PRTG: variants seen among roughly 807,000 people sequenced by gnomAD.
PRTG encodes the protein protogenin.
A neutral mutation model predicts 122.5 loss-of-function variants in PRTG; 67 were observed. That is an observed-to-expected ratio of 0.55 (90% CI 0.45 to 0.67). The LOEUF (loss-of-function observed/expected upper bound fraction) is 0.67, where lower values mean the gene tolerates loss of function less well. Ranked by LOEUF, PRTG falls within the 30% of genes least tolerant of loss-of-function variation. The pLI, the probability that PRTG is intolerant of heterozygous loss-of-function variation, is 0.00. For synonymous variants in PRTG, 554 were observed against 501.1 expected (o/e 1.11, Z -1.41); for missense variants, 1,435 against 1,415.4 (o/e 1.01, Z -0.22).
At chr15:55,620,388 TC>T (rs1379359142) in intron 19 of PRTG, 122 bp from the exon 20 acceptor site, 1 of 1,490,734 alleles carries the variant, frequency 6.7e-7, no homozygotes, top group African/African-American at 1.4e-5. Context: ...AAGCGAAGTG[TC>T]AAAAGCTTCT....
At chr15:55,700,563 C>T (rs1263612513) in intron 2 of PRTG, among the ~76,000 whole-genome samples, 1 of 152,046 alleles carries the variant, frequency 6.6e-6, no homozygotes, top group African/African-American at 2.4e-5. Context: ...GGGAGGATCA[C>T]TTGAACCTAA....
chr15:55,675,679 T>G lies in PRTG; in HGVS notation c.1386A>C (p.Leu462Phe). Reference sequence around the variant, plus strand: ...TGACTACTTGATACTCTTCATTATTTAAACCTAAATTAAAGAATCCATGTT... The same window carrying G: ...TGACTACTTGATACTCTTCATTATTGAAACCTAAATTAAAGAATCCATGTT... ...YSVHYMKAEG[L>F]NNEEYQVVIG... Residue 462 changes from leucine (L) to phenylalanine (F), a missense_variant, in exon 9 of 20, where the codon TTA becomes TTC. Coordinates refer to ENST00000389286, the MANE Select transcript of PRTG (RefSeq NM_173814.6). 1.3e-6 allele frequency: 2 copies of G among 1,542,158 alleles called. No homozygotes were observed. Among genetic ancestry groups the G allele is most frequent in the Non-Finnish European group, 1.8e-6 (2 of 1,120,024 alleles).
At chr15:55,631,448 G>A (rs185832720) in intron 15 of PRTG, among the ~76,000 whole-genome samples, 28 of 152,230 alleles carry the variant, frequency 1.8e-4, no homozygotes, top group Middle Eastern at 3.4e-3. Flanking sequence ...ATGTGTGCAC[G>A]CATTCCCCTT....
At chr15:55,650,676 A>G (rs2059348580) in intron 11 of PRTG, among the ~76,000 whole-genome samples, 1 of 152,058 alleles carries the variant, frequency 6.6e-6, no homozygotes, top group African/African-American at 2.4e-5. Context: ...GTAAGAAAGT[A>G]CCAAGTGGCT....
intron 9 of PRTG, among the ~76,000 whole-genome samples, chr15:55,673,986 C>T (rs1286648639): frequency 6.6e-6 from 1 of 152,096 alleles, no homozygotes; most frequent in African/African-American, 2.4e-5. Context: ...CAAACAATTC[C>T]ACCAAAGTGG....
intron 15 of PRTG, among the ~76,000 whole-genome samples, chr15:55,629,369 ATATATATGTGTGTGTGTGTGTG>A (rs1331747774): frequency 3.2e-4 from 11 of 34,392 alleles, no homozygotes; most frequent in East Asian, 0.015. Context: ...GTATATATAT[ATATATATGTGTGTGTGTGTGTG>A]TGTGTGTGTG....
rs546888002 is a variant in PRTG at position 55,691,358 on chromosome 15, G to A, written c.398-7427C>T. ...AAGCAATTCTGCTGCTCAGTATAAAGTGAAATGCATTGGCTTTCTAGCTGG... is the reference window on the plus strand; with the variant it reads ...AAGCAATTCTGCTGCTCAGTATAAAATGAAATGCATTGGCTTTCTAGCTGG... On this transcript the variant is annotated intron_variant, in intron 2 of 19. Coordinates refer to ENST00000389286, the MANE Select transcript of PRTG (RefSeq NM_173814.6). Among the ~76,000 whole-genome samples the A allele has an allele frequency of 7.4e-5, 11 of 149,332 alleles. No individual in the cohort carries two copies. The South Asian group carries it at 2.1e-3, about 29-fold the overall frequency.
At position 55,612,875 on chromosome 15, in the gene PRTG, C is replaced by T. The variant is rs2059126991; in HGVS notation, c.*7137G>A. 6.6e-6 allele frequency: 1 copy of T among 151,576 alleles called. No individual in the cohort carries two copies. The highest frequency in any genetic ancestry group is 2.4e-5 in the African/African-American group (1 of 41,130). The allele number at this position is 151,576 out of a possible 1,614,324, so 9.4% of individuals were successfully genotyped here. A position where few individuals can be genotyped will look rare whatever the true frequency, so the allele number is the denominator to read the frequency against. Reference sequence around the variant, plus strand: ...CCATTTCAGCTATATCTTTTACCAACCACTTTCTTCTATTGGTTTTGTGTA... The same window carrying T: ...CCATTTCAGCTATATCTTTTACCAATCACTTTCTTCTATTGGTTTTGTGTA... On this transcript the variant is annotated 3_prime_UTR_variant, in exon 20 of 20. Transcript: ENST00000389286.
At chr15:55,740,714 TC>T in intron 1 of PRTG, 30 bp from the exon 2 acceptor site, 1 of 1,571,566 alleles carries the variant, frequency 6.4e-7, no homozygotes, top group Non-Finnish European at 8.6e-7. Context: ...GAACGGCACA[TC>T]CAGAATTACA....
Position 55,672,427 on chromosome 15 carries a change from C to T in PRTG, c.2041+18G>A. On this transcript the variant is annotated intron_variant, in intron 11 of 19. Transcript: ENST00000389286. ...GAGAGGAAGGAAAAAGGGAAAAATA[C>T]AGTACAAACTCACTCACCTAAGCCA... 1 of 1,581,760 alleles carries T rather than the reference C, an allele frequency of 6.3e-7. No homozygotes were observed. Among genetic ancestry groups the T allele is most frequent in the Non-Finnish European group, 8.6e-7 (1 of 1,164,988 alleles).
chr15:55,689,189 A>G (rs1319797696), intron 2 of PRTG, among the ~76,000 whole-genome samples: 2 of 152,204 alleles, frequency 1.3e-5, no homozygotes, highest in African/African-American at 4.8e-5. Flanking sequence ...GCTTTCATCT[A>G]TCCATTCAAA....
chr15:55,643,701 G>A (rs527416324), intron 11 of PRTG, among the ~76,000 whole-genome samples: 6 of 152,132 alleles, frequency 3.9e-5, no homozygotes. Flanking sequence ...TGGGATTACA[G>A]GAATGAGCCA....
chr15:55,714,389 C>T (rs12439011), intron 2 of PRTG, among the ~76,000 whole-genome samples: 54,686 of 151,176 alleles, frequency 0.36, 12,739 homozygotes, highest in Non-Finnish European at 0.52. Flanking sequence ...CCCACCCCCC[C>T]GCTAGTTTTA....
chr15:55,729,191 A>G (rs1223750035), intron 2 of PRTG, among the ~76,000 whole-genome samples: 1 of 152,248 alleles, frequency 6.6e-6, no homozygotes, highest in African/African-American at 2.4e-5. Flanking sequence ...TTTGGCCACA[A>G]AAAGGAATGA....
At position 55,619,993 on chromosome 15, in the gene PRTG, A is replaced by G. The variant is rs554595155; in HGVS notation, c.*19T>C. 1 of 1,613,266 alleles carries G rather than the reference A, an allele frequency of 6.2e-7. No individual in the cohort carries two copies. The highest frequency in any genetic ancestry group is 1.3e-5 in the African/African-American group (1 of 75,040). Reference sequence around the variant, plus strand: ...TCCTCAATGCGGAATCTCCACCTGAATCACTGCCAGTGAAAGAATCAGAGG... The same window carrying G: ...TCCTCAATGCGGAATCTCCACCTGAGTCACTGCCAGTGAAAGAATCAGAGG... On this transcript the variant is annotated 3_prime_UTR_variant, in exon 20 of 20. Transcript: ENST00000389286.
chr15:55,668,628 C>T (rs1161749958), intron 11 of PRTG, among the ~76,000 whole-genome samples: 4 of 152,156 alleles, frequency 2.6e-5, no homozygotes, highest in Non-Finnish European at 5.9e-5. Context: ...GAACAAATCA[C>T]ACTAATGTAT....
intron 2 of PRTG, among the ~76,000 whole-genome samples, chr15:55,725,699 A>C (rs1408616360): frequency 5.9e-5 from 9 of 152,214 alleles, no homozygotes; most frequent in Non-Finnish European, 1.3e-4. Flanking sequence ...TAAACTCTCC[A>C]TCAAAAAGAA....
Position 55,729,003 on chromosome 15 carries a change from A to G in PRTG, c.397+11379T>C, listed in dbSNP as rs116261440. ...AACAATTCCATTTACAATAGCATCTAAAAGAATAAGATGCCCAGATATAAA... is the reference window on the plus strand; with the variant it reads ...AACAATTCCATTTACAATAGCATCTGAAAGAATAAGATGCCCAGATATAAA... On this transcript the variant is annotated intron_variant, in intron 2 of 19. Transcript: ENST00000389286. Among the ~76,000 whole-genome samples, 704 of 152,374 alleles carry G rather than the reference A, an allele frequency of 4.6e-3. 9 individuals are homozygous for G. The highest frequency in any genetic ancestry group is 0.016 in the African/African-American group (682 of 41,582).
intron 15 of PRTG, among the ~76,000 whole-genome samples, chr15:55,635,661 G>A (rs2059253918): frequency 1.3e-5 from 2 of 152,104 alleles, no homozygotes; most frequent in African/African-American, 4.8e-5. Flanking sequence ...TGGGGCTTCC[G>A]CTTAATGAAA....
Sources: allele counts gnomAD v4.1 joint callset (sites outside exome capture counted in the v4.1 genomes callset), GRCh38; gene constraint gnomAD v4.1.1; transcripts MANE v1.5; gene names NCBI Gene and HGNC (gene_info 2026-07-23, HGNC 2026-07-21).